Variants in CLUL1 observed in about 807,000 individuals in gnomAD.
CLUL1 encodes the protein clusterin like 1.
CLUL1 carries 43 observed loss-of-function variants against 49.4 expected under a neutral mutation model. The observed-to-expected ratio is 0.87, with a 90% CI of 0.68 to 1.12. The LOEUF is 1.12. Ranked by LOEUF, CLUL1 falls within the 50% of genes most tolerant of loss-of-function variation. CLUL1 has a pLI of 0.00. For synonymous variants in CLUL1, 192 were observed against 184.9 expected, an observed-to-expected ratio of 1.04 and a Z score of -0.31; for missense variants, 486 against 544.4, an observed-to-expected ratio of 0.89 and a Z score of 1.07.
At chr18:649,060 T>C (rs1347673119) in intron 9 of CLUL1, among the ~76,000 whole-genome samples, 2 of 152,210 alleles carry the variant, frequency 1.3e-5, no homozygotes, top group Non-Finnish European at 2.9e-5. Context: ...ATTTTCCAAG[T>C]TTGTTTACTG....
In CLUL1 at chr18:617,943, A is replaced by T. The variant is rs2073350731; in HGVS notation, c.-13-45A>T. 3 of 1,522,414 alleles carry T rather than the reference A, an allele frequency of 2.0e-6. No homozygotes were observed. In the South Asian group the frequency reaches 3.5e-5, roughly 18 times the overall value. 94.3% of individuals were successfully genotyped at this position (1,522,414 alleles called of 1,614,324 possible). A position where few individuals can be genotyped will look rare whatever the true frequency, so the allele number is the denominator to read the frequency against. On this transcript the variant is annotated intron_variant, in intron 2 of 9. Coordinates refer to ENST00000692774, the MANE Select transcript of CLUL1 (RefSeq NM_001393344.1). ...TTTTCAATTGATGCCAACAGAAACT[A>T]ACCAAATGGAAGACATTTGATGCGG...
intron 2 of CLUL1, among the ~76,000 whole-genome samples, chr18:614,286 T>G (rs1179759771): frequency 8.1e-6 from 1 of 122,828 alleles, no homozygotes; most frequent in Non-Finnish European, 1.6e-5. Context: ...TAAATGGACA[T>G]AAGGAAAGAA....
intron 9 of CLUL1, among the ~76,000 whole-genome samples, chr18:647,334 G>C (rs2074536810): frequency 6.6e-6 from 1 of 152,220 alleles, no homozygotes; most frequent in Non-Finnish European, 1.5e-5. Flanking sequence ...CCCTGTGCCA[G>C]GGTACCTGCC....
At chr18:601,636 A>C in intron 1 of CLUL1, among the ~76,000 whole-genome samples, 1 of 131,350 alleles carries the variant, frequency 7.6e-6, no homozygotes. Flanking sequence ...ACAGAGTGAG[A>C]CTCCATCTCA....
intron 7 of CLUL1, among the ~76,000 whole-genome samples, chr18:634,651 T>G (rs1158597539): frequency 2.0e-5 from 3 of 152,138 alleles, no homozygotes; most frequent in African/African-American, 7.2e-5. Flanking sequence ...AATCAGTGTT[T>G]AGACAAGTGA....
intron 8 of CLUL1, among the ~76,000 whole-genome samples, chr18:641,925 G>T (rs1325323230): frequency 6.6e-6 from 1 of 152,036 alleles, no homozygotes; most frequent in Non-Finnish European, 1.5e-5. Flanking sequence ...AGTAAGCTTG[G>T]GAAAGTACCT....
chr18:627,643 C>A (rs2144076687), intron 6 of CLUL1, 114 bp downstream of exon 6: 15 of 705,886 alleles, frequency 2.1e-5, no homozygotes, highest in Non-Finnish European at 3.5e-5. Flanking sequence ...CTTGAAGAGA[C>A]AATTTATGGA....
At chr18:645,570 C>G (rs925139644) in intron 9 of CLUL1, among the ~76,000 whole-genome samples, 2 of 150,722 alleles carry the variant, frequency 1.3e-5, no homozygotes, top group African/African-American at 2.4e-5. Flanking sequence ...CTGAGGCGGG[C>G]GGATCACGAG....
At chr18:600,597 G>A (rs1316453825) in intron 1 of CLUL1, among the ~76,000 whole-genome samples, 1 of 152,220 alleles carries the variant, frequency 6.6e-6, no homozygotes, top group African/African-American at 2.4e-5. Context: ...TGGAAAGAGA[G>A]GCTTATTATT....
At chr18:630,300 G>T (rs964306362) in intron 6 of CLUL1, among the ~76,000 whole-genome samples, 23 of 151,988 alleles carry the variant, frequency 1.5e-4, no homozygotes, top group Non-Finnish European at 1.3e-4. Flanking sequence ...GTAGAGGCAG[G>T]GTTTCGCCAT....
chr18:625,941 T>C (rs1412273074), intron 5 of CLUL1, among the ~76,000 whole-genome samples: 1 of 152,166 alleles, frequency 6.6e-6, no homozygotes, highest in East Asian at 1.9e-4. Context: ...CACCAGAATA[T>C]GGTGTAATCA....
At position 618,127 on chromosome 18, in the gene CLUL1, G is replaced by A; in HGVS notation, c.106+21G>A. ...GAAGAGTACGTTTGGTTTCTTATCTGTGCTGTGTCCTGTTTGCATGTTGGT... is the reference window on the plus strand; with the variant it reads ...GAAGAGTACGTTTGGTTTCTTATCTATGCTGTGTCCTGTTTGCATGTTGGT... On this transcript the variant is annotated intron_variant, in intron 3 of 9. Coordinates refer to ENST00000692774, the MANE Select transcript of CLUL1 (RefSeq NM_001393344.1). This position sits in a 1 kb window ranked among gnomAD's most constrained non-coding sequence, Gnocchi z 4.2. 1.3e-6 allele frequency: 2 copies of A among 1,542,890 alleles called. No individual in the cohort carries two copies. Among genetic ancestry groups the A allele is most frequent in the Non-Finnish European group, 1.8e-6 (2 of 1,115,262 alleles).
rs759786448 is a variant in CLUL1, at chr18:625,023, GA to G, written c.419del (p.Asn140IlefsTer38). 3.1e-6 allele frequency: 5 copies of G among 1,613,714 alleles called. No homozygotes were observed. In the African/African-American group the frequency reaches 6.7e-5, roughly 22 times the overall value. ...TTCQPSWSSV[K>X]NKIERFFRKI... ...CCTGCCAACCTAGCTGGTCCTCTGT[GA>G]AAAATAAGGTAAGAGAAAAAGAGAG... On this transcript the variant is annotated frameshift_variant, in exon 5 of 10. Transcript: ENST00000692774. LOFTEE classifies it high-confidence loss of function.
intron 6 of CLUL1, among the ~76,000 whole-genome samples, chr18:630,672 C>CTTTTTTTTTT (rs36222515): frequency 1.1e-4 from 7 of 62,000 alleles, no homozygotes; most frequent in African/African-American, 4.3e-4. Flanking sequence ...CTACTGACAT[C>CTTTTTTTTTT]TTTTTTTTTT....
intron 3 of CLUL1, 95 bp from the exon 4 acceptor site, chr18:619,118 A>G (rs753830185): frequency 8.2e-7 from 1 of 1,214,158 alleles, no homozygotes; most frequent in Non-Finnish European, 1.2e-6. Context: ...TAAGAGAACA[A>G]TTAAGCCTCT....
At chr18:645,648 G>T (rs1253109356) in intron 9 of CLUL1, among the ~76,000 whole-genome samples, 1 of 150,442 alleles carries the variant, frequency 6.6e-6, no homozygotes, top group Non-Finnish European at 1.5e-5. Flanking sequence ...AAAAAAATTA[G>T]CCGGGCGTGG....
chr18:626,911 GAA>G (rs376252345), intron 5 of CLUL1, among the ~76,000 whole-genome samples, 184 bp from the exon 6 acceptor site: 387 of 1,396 alleles, frequency 0.28, 81 homozygotes, highest in Admixed American at 0.36. Context: ...AAGAAAGAAA[GAA>G]AGAAAGAAAG....
Position 610,496 on chromosome 18 carries a change from G to A in CLUL1, c.-14+3397G>A, listed in dbSNP as rs542763024. Among the ~76,000 whole-genome samples, 8 of 152,244 alleles carry A rather than the reference G, an allele frequency of 5.3e-5. 1 individual carries two copies. Among genetic ancestry groups the A allele is most frequent in the African/African-American group, 1.9e-4 (8 of 41,560 alleles). On this transcript the variant is annotated intron_variant, in intron 2 of 9. Coordinates refer to ENST00000692774, the MANE Select transcript of CLUL1 (RefSeq NM_001393344.1). The stretch of plus-strand genomic sequence containing the variant: ...AACTGTTGAAACTGAAATCCCTGAG[G>A]GCTGTGCCGACAGAGAGACAGCCGG...
chr18:618,481 C>T lies in CLUL1; in HGVS notation c.106+375C>T, dbSNP rs117319036. Among the ~76,000 whole-genome samples the T allele has an allele frequency of 8.7e-4, 133 of 152,264 alleles. 3 individuals carry two copies. In the East Asian group the frequency reaches 0.021, roughly 24 times the overall value. On this transcript the variant is annotated intron_variant, in intron 3 of 9. Coordinates refer to ENST00000692774, the MANE Select transcript of CLUL1 (RefSeq NM_001393344.1). This position sits in a 1 kb window ranked among gnomAD's most constrained non-coding sequence, Gnocchi z 4.2. ...AGTAATCTGTGCAATTGTTCTTAAA[C>T]TAGTGAAAGAATGGGTTATAATTAC... is the stretch of plus-strand genomic sequence containing the variant.
Sources: gnomAD v4.1 joint callset for allele counts (sites outside exome capture counted in the v4.1 genomes callset) on GRCh38, gnomAD v4.1.1 for gene constraint, Gnocchi (gnomAD v3.1) non-coding constraint, MANE v1.5 for transcripts, NCBI Gene and HGNC (gene_info 2026-07-23, HGNC 2026-07-21) for gene names.